Variants in TNFRSF8 observed in about 807,000 individuals in gnomAD.
TNFRSF8 encodes the protein TNF receptor superfamily member 8.
Under a neutral mutation model 70.8 loss-of-function variants are expected in TNFRSF8, and 26 were observed. That is an observed-to-expected ratio of 0.37 (90% CI 0.27 to 0.51). The LOEUF (loss-of-function observed/expected upper bound fraction) is 0.51, where lower values mean the gene tolerates loss of function less well. TNFRSF8 is among the 20% of genes least tolerant of loss of function. The pLI is 0.94. For missense variants in TNFRSF8, 720 were observed against 807.9 expected (o/e 0.89, Z 1.32); for synonymous variants, 356 against 339.2 (o/e 1.05, Z -0.54).
chr1:12,090,093 C>T (rs1641221854), intron 2 of TNFRSF8, among the ~76,000 whole-genome samples: 1 of 146,488 alleles, frequency 6.8e-6, no homozygotes, highest in Non-Finnish European at 1.5e-5. Flanking sequence ...CCACTCTTCC[C>T]TAACCCATCC....
intron 4 of TNFRSF8, among the ~76,000 whole-genome samples, chr1:12,106,692 C>T (rs907719923): frequency 6.6e-6 from 1 of 152,044 alleles, no homozygotes; most frequent in African/African-American, 2.4e-5. Flanking sequence ...GGAGAGCGCT[C>T]TGCTAAGGAA....
intron 12 of TNFRSF8, among the ~76,000 whole-genome samples, chr1:12,133,124 T>C (rs61424943): frequency 6.6e-6 from 1 of 152,256 alleles, no homozygotes; most frequent in African/African-American, 2.4e-5. Flanking sequence ...CTTTTTGTTT[T>C]CTTTCGGGTT....
At chr1:12,071,324 A>G (rs890020098) in intron 1 of TNFRSF8, among the ~76,000 whole-genome samples, 1 of 152,130 alleles carries the variant, frequency 6.6e-6, no homozygotes, top group Admixed American at 6.6e-5. Context: ...CTGTAGTCCC[A>G]GCTACTCGCG....
chr1:12,091,470 T>A (rs1424143218), intron 2 of TNFRSF8, among the ~76,000 whole-genome samples: 1 of 152,098 alleles, frequency 6.6e-6, no homozygotes, highest in Admixed American at 6.5e-5. Flanking sequence ...GGGTGGTACA[T>A]CTTGGTAGGT....
At chr1:12,134,841 C>T (rs1457849271) in intron 12 of TNFRSF8, among the ~76,000 whole-genome samples, 2 of 152,114 alleles carry the variant, frequency 1.3e-5, no homozygotes, top group Non-Finnish European at 2.9e-5. Flanking sequence ...CCAGAGAATT[C>T]GGGGCTCTCC....
chr1:12,080,835 C>CA (rs1641051675), intron 1 of TNFRSF8, among the ~76,000 whole-genome samples: 1 of 152,238 alleles, frequency 6.6e-6, no homozygotes, highest in Non-Finnish European at 1.5e-5. Flanking sequence ...GCTGGGACTA[C>CA]AGGCGTGAGC....
At position 12,109,651 on chromosome 1, in the gene TNFRSF8, C is replaced by A; in HGVS notation, c.507C>A (p.Pro169=). 1 of 1,613,286 alleles carries A rather than the reference C, an allele frequency of 6.2e-7. No individual in the cohort carries two copies. Residue 169 remains proline, a synonymous_variant, in exon 5 of 15, where the codon CCC becomes CCA. Coordinates refer to ENST00000263932, the MANE Select transcript of TNFRSF8 (RefSeq NM_001243.5). The surrounding 1 kb of genome is among the most constrained non-coding windows in gnomAD (Gnocchi z 4.4). Reference sequence around the variant, plus strand: ...CCAGCCCAGAGAACTGCAAGGAACCCTCCAGGTGACTCCCTGGCTTTGCCT... The same window carrying A: ...CCAGCCCAGAGAACTGCAAGGAACCATCCAGGTGACTCCCTGGCTTTGCCT... ...ACASPENCKE[P]SSGTIPQAKP...
At chr1:12,067,491 C>T (rs1274135080) in intron 1 of TNFRSF8, among the ~76,000 whole-genome samples, 1 of 152,106 alleles carries the variant, frequency 6.6e-6, no homozygotes. Flanking sequence ...GAGTTCAAGA[C>T]CAGCCTGGTC....
At chr1:12,075,884 C>T (rs919517172) in intron 1 of TNFRSF8, among the ~76,000 whole-genome samples, 1 of 152,186 alleles carries the variant, frequency 6.6e-6, no homozygotes, top group African/African-American at 2.4e-5. Context: ...CATTCCAACA[C>T]CCCCATCCGA....
At chr1:12,099,797 G>A (rs572023488) in intron 3 of TNFRSF8, among the ~76,000 whole-genome samples, 3 of 152,136 alleles carry the variant, frequency 2.0e-5, no homozygotes, top group African/African-American at 7.2e-5. Context: ...TGCACAGCAT[G>A]TGACTGTCCT....
intron 1 of TNFRSF8, among the ~76,000 whole-genome samples, chr1:12,082,735 A>G (rs1479867998): frequency 6.6e-6 from 1 of 152,172 alleles, no homozygotes; most frequent in African/African-American, 2.4e-5. Flanking sequence ...TATCTAAGTG[A>G]CACTGAGTGG....
chr1:12,089,634 G>C (rs1428153472), intron 2 of TNFRSF8, among the ~76,000 whole-genome samples: 1 of 152,112 alleles, frequency 6.6e-6, no homozygotes, highest in Non-Finnish European at 1.5e-5. Flanking sequence ...GGGTTATTTG[G>C]GGGAGAGAAG....
intron 1 of TNFRSF8, among the ~76,000 whole-genome samples, chr1:12,074,059 A>C (rs992517298): frequency 2.0e-5 from 3 of 151,744 alleles, no homozygotes; most frequent in African/African-American, 7.3e-5. Flanking sequence ...CAGTCTCAAC[A>C]ATTGGCTCAT....
chr1:12,096,448 C>T (rs935104850), intron 2 of TNFRSF8, among the ~76,000 whole-genome samples: 2 of 146,274 alleles, frequency 1.4e-5, no homozygotes, highest in African/African-American at 2.5e-5. Flanking sequence ...AAAAAAATCA[C>T]ACACACGCAA....
At chr1:12,073,175 C>T (rs571985018) in intron 1 of TNFRSF8, among the ~76,000 whole-genome samples, 7 of 152,166 alleles carry the variant, frequency 4.6e-5, no homozygotes, top group Non-Finnish European at 8.8e-5. Context: ...GAGAGGATCA[C>T]GTGAGCCCAG....
intron 2 of TNFRSF8, among the ~76,000 whole-genome samples, chr1:12,091,238 G>A (rs973327489): frequency 1.3e-5 from 2 of 152,216 alleles, no homozygotes; most frequent in African/African-American, 4.8e-5. Flanking sequence ...AATGATCTGA[G>A]TACAGTTGGT....
At chr1:12,067,723 G>A (rs1640765979) in intron 1 of TNFRSF8, among the ~76,000 whole-genome samples, 2 of 151,988 alleles carry the variant, frequency 1.3e-5, no homozygotes, top group South Asian at 4.2e-4. Context: ...CTCTATGTGT[G>A]ACTCCTCCAT....
chr1:12,142,418 C>A lies in TNFRSF8; in HGVS notation c.1675C>A (p.His559Asn), dbSNP rs772360376. Residue 559 changes from histidine (H) to asparagine (N), a missense_variant, in exon 15 of 15, where the codon CAC becomes AAC. Physicochemically the swap from His to Asn is moderately conservative, Grantham distance 68. Transcript: ENST00000263932. This position sits in a 1 kb window ranked among gnomAD's most constrained non-coding sequence, Gnocchi z 5.0. ...GGAGCTGGAGGCGGACCATACCCCC[C>A]ACTACCCCGAGCAGGAGACAGAACC... Reference protein sequence around the residue: ...EEELEADHTPHYPEQETEPPL... With the variant: ...EEELEADHTPNYPEQETEPPL... 40 of 1,612,924 alleles carry A rather than the reference C, an allele frequency of 2.5e-5. No individual in the cohort carries two copies. Among genetic ancestry groups the A allele is most frequent in the Non-Finnish European group, 3.3e-5 (39 of 1,179,566 alleles).
At chr1:12,070,573 G>T (rs1640824907) in intron 1 of TNFRSF8, among the ~76,000 whole-genome samples, 1 of 152,104 alleles carries the variant, frequency 6.6e-6, no homozygotes, top group African/African-American at 2.4e-5. Context: ...TGATCCTCCT[G>T]CCTGCGCCTC....
Sources: gnomAD v4.1 joint callset for allele counts (sites outside exome capture counted in the v4.1 genomes callset) on GRCh38, gnomAD v4.1.1 for gene constraint, Gnocchi (gnomAD v3.1) non-coding constraint, MANE v1.5 for transcripts, NCBI Gene and HGNC (gene_info 2026-07-23, HGNC 2026-07-21) for gene names.